DOCK3: variants seen among roughly 807,000 people sequenced by gnomAD.
DOCK3 encodes dedicator of cytokinesis protein 3.
DOCK3 carries 60 observed loss-of-function variants against 265.6 expected under a neutral mutation model. The observed-to-expected ratio is 0.23, with a 90% CI of 0.18 to 0.28. The LOEUF (loss-of-function observed/expected upper bound fraction) is 0.28. DOCK3 is among the 10% of genes least tolerant of loss of function. The pLI, the probability that DOCK3 is intolerant of heterozygous loss-of-function variation, is 1.00. For synonymous variants in DOCK3, 881 were observed against 938.0 expected (o/e 0.94, Z 1.11); for missense variants, 1,981 against 2,594.3 (o/e 0.76, Z 5.14).
At chr3:50,870,326 A>G (rs1357217755) in intron 3 of DOCK3, among the ~76,000 whole-genome samples, 1 of 152,130 alleles carries the variant, frequency 6.6e-6, no homozygotes, top group Non-Finnish European at 1.5e-5. Flanking sequence ...TAAAATTGTT[A>G]TATTCTGTTA....
intron 1 of DOCK3, among the ~76,000 whole-genome samples, chr3:50,750,208 C>G (rs1325207343): frequency 6.8e-6 from 1 of 146,258 alleles, no homozygotes; most frequent in Non-Finnish European, 1.5e-5. Context: ...CATCCTCAAA[C>G]CCTCATCCCT....
intron 2 of DOCK3, among the ~76,000 whole-genome samples, chr3:50,801,094 A>C (rs1301513106): frequency 6.6e-6 from 1 of 152,084 alleles, no homozygotes; most frequent in East Asian, 1.9e-4. Flanking sequence ...TTGAATATAA[A>C]ATTTTCTGTT....
intron 2 of DOCK3, among the ~76,000 whole-genome samples, chr3:50,785,073 C>G (rs1244669504): frequency 6.6e-6 from 1 of 152,146 alleles, no homozygotes; most frequent in Non-Finnish European, 1.5e-5. Flanking sequence ...AGGAGAATTG[C>G]TTGAACCTGG....
chr3:51,038,993 T>G (rs1165105455), intron 5 of DOCK3, among the ~76,000 whole-genome samples: 7 of 151,642 alleles, frequency 4.6e-5, no homozygotes, highest in Non-Finnish European at 1.0e-4. Context: ...ATTATTTAAT[T>G]TTATTATTAT....
At chr3:50,720,679 A>G (rs1212975348) in intron 1 of DOCK3, among the ~76,000 whole-genome samples, 1 of 152,064 alleles carries the variant, frequency 6.6e-6, no homozygotes, top group Non-Finnish European at 1.5e-5. Flanking sequence ...CTGATTGGAT[A>G]TATACCCAGT....
chr3:51,268,604 C>T (rs1177549737), intron 23 of DOCK3, among the ~76,000 whole-genome samples: 1 of 152,150 alleles, frequency 6.6e-6, no homozygotes, highest in East Asian at 1.9e-4. Context: ...TAAACTCTGC[C>T]TCATTTAAGA....
At chr3:51,039,782 A>G (rs1434351672) in intron 5 of DOCK3, among the ~76,000 whole-genome samples, 3 of 151,408 alleles carry the variant, frequency 2.0e-5, no homozygotes, top group African/African-American at 4.9e-5. Context: ...CCCGCAGTCT[A>G]TCATCTGTCT....
At chr3:50,804,879 TTATC>T (rs1340527660) in intron 2 of DOCK3, among the ~76,000 whole-genome samples, 1 of 152,216 alleles carries the variant, frequency 6.6e-6, no homozygotes, top group African/African-American at 2.4e-5. Context: ...TTTGTTTGGC[TTATC>T]TATCTTTTTT....
At chr3:51,036,425 TGCCTGACA>T (rs2080268519) in intron 5 of DOCK3, among the ~76,000 whole-genome samples, 1 of 152,236 alleles carries the variant, frequency 6.6e-6, no homozygotes, top group Admixed American at 6.5e-5. Flanking sequence ...AAATATTCAT[TGCCTGACA>T]GTCTGAGAGA....
chr3:51,016,767 ATGT>A (rs1184312217), intron 5 of DOCK3, among the ~76,000 whole-genome samples: 7,597 of 40,266 alleles, frequency 0.19, 3,647 homozygotes, highest in African/African-American at 0.22. Context: ...TATATGATAT[ATGT>A]TTATATATAT....
At chr3:51,095,351 C>T (rs1047929965) in intron 9 of DOCK3, among the ~76,000 whole-genome samples, 1 of 152,142 alleles carries the variant, frequency 6.6e-6, no homozygotes, top group Non-Finnish European at 1.5e-5. Flanking sequence ...GTAAGGCAGG[C>T]TTGGTGGTGA....
At chr3:50,787,598 C>A in intron 2 of DOCK3, 1 of 1,145,632 alleles carries the variant, frequency 8.7e-7, no homozygotes, top group South Asian at 1.3e-5. Flanking sequence ...ACTGGTGCTT[C>A]AGGCTCCTTT....
Position 51,351,937 on chromosome 3 carries a change from G to A in DOCK3, c.4107+1545G>A, listed in dbSNP as rs150772822. Among the ~76,000 whole-genome samples the A allele has an allele frequency of 6.1e-3, 933 of 152,294 alleles. 40 individuals are homozygous for A. In the East Asian group the frequency reaches 0.11, roughly 19 times the overall value. Reference sequence around the variant, plus strand: ...CTCCCAAAGTGCTGGGATTACAGGCGTGAGCCAATGCGCCCAGCCAGGAAT... The same window carrying A: ...CTCCCAAAGTGCTGGGATTACAGGCATGAGCCAATGCGCCCAGCCAGGAAT... On this transcript the variant is annotated intron_variant, in intron 40 of 52. Coordinates refer to ENST00000266037, the MANE Select transcript of DOCK3 (RefSeq NM_004947.5).
chr3:51,271,119 G>C, intron 24 of DOCK3, 112 bp downstream of exon 24: 1 of 1,241,434 alleles, frequency 8.1e-7, no homozygotes, highest in Admixed American at 2.3e-5. Context: ...GATTATGCAA[G>C]AAACCAGTAA....
At chr3:50,962,914 C>T (rs2076931181) in intron 5 of DOCK3, among the ~76,000 whole-genome samples, 1 of 152,196 alleles carries the variant, frequency 6.6e-6, no homozygotes, top group South Asian at 2.1e-4. Context: ...GGGCCAGGCG[C>T]AGTGGCTCAT....
At chr3:51,278,308 G>A in intron 26 of DOCK3, 3 of 985,408 alleles carry the variant, frequency 3.0e-6, no homozygotes, top group Non-Finnish European at 3.6e-6. Context: ...AAACTGGGAA[G>A]GCTTCTCAGG....
chr3:50,861,500 A>T (rs1242705570), intron 3 of DOCK3, among the ~76,000 whole-genome samples: 2 of 151,934 alleles, frequency 1.3e-5, no homozygotes, highest in African/African-American at 4.8e-5. Flanking sequence ...TGCCTCAGTG[A>T]TGTGTCTAGT....
At chr3:51,080,290 A>T (rs1480962467) in intron 7 of DOCK3, among the ~76,000 whole-genome samples, 2 of 152,256 alleles carry the variant, frequency 1.3e-5, no homozygotes, top group Non-Finnish European at 2.9e-5. Context: ...TACTGGAGAA[A>T]AACTGGCAGA....
At chr3:51,240,992 A>G (rs1169241487) in intron 21 of DOCK3, among the ~76,000 whole-genome samples, 2 of 152,126 alleles carry the variant, frequency 1.3e-5, no homozygotes, top group Non-Finnish European at 2.9e-5. Flanking sequence ...GTTATTTTGC[A>G]GACTTGTTTA....
Sources: gnomAD v4.1 joint callset for allele counts (sites outside exome capture counted in the v4.1 genomes callset) on GRCh38, gnomAD v4.1.1 for gene constraint, MANE v1.5 for transcripts, NCBI Gene and HGNC (gene_info 2026-07-23, HGNC 2026-07-21) for gene names.